SYTL1: variants seen among roughly 807,000 people sequenced by gnomAD.
The protein encoded by SYTL1 is synaptotagmin-like protein 1.
A neutral mutation model predicts 74.6 loss-of-function variants in SYTL1; 53 were observed. The ratio of observed to expected loss-of-function variants is 0.71; its 90% CI spans 0.57 to 0.89. The LOEUF is 0.89. SYTL1 is among the 40% of genes least tolerant of loss of function. The probability of loss-of-function intolerance (pLI) is 0.00; values close to 1 mark genes in which losing one functional copy is unlikely to be tolerated. For missense variants in SYTL1, 728 were observed against 768.7 expected, an observed-to-expected ratio of 0.95 and a Z score of 0.63; for synonymous variants, 329 against 324.9, an observed-to-expected ratio of 1.01 and a Z score of -0.14.
rs747676266 is a variant in SYTL1 at position 27,345,486 on chromosome 1, G to T, written c.152G>T (p.Arg51Leu). The T allele has an allele frequency of 1.3e-6, 2 of 1,559,398 alleles. No individual in the cohort carries two copies. Among genetic ancestry groups the T allele is most frequent in the Non-Finnish European group, 1.7e-6 (2 of 1,150,950 alleles). ...EQEAIAGVLQ[R>L]DARLRQLEEG... ...GAGGCCATTGCTGGCGTCCTCCAAC[G>T]AGATGCCCGCCTGCGCCAGCTGGAG... The change falls in exon 2 of 15, where the codon CGA (arginine) becomes CTA (leucine). Residue 51 changes from arginine (R) to leucine (L), a missense_variant. Physicochemically the swap from Arg to Leu is moderately radical, Grantham distance 102. Transcript: ENST00000616558. The surrounding 1 kb of genome is among the most constrained non-coding windows in gnomAD (Gnocchi z 6.0).
rs2014808714 is a variant in SYTL1 at position 27,342,364 on chromosome 1, T to C, written c.-39+214T>C. ...AGAGAAGACCAAACTCCTACCTAACTCTGGTAGGAGATTCTGCCTCTGGTT... is the reference window on the plus strand; with the variant it reads ...AGAGAAGACCAAACTCCTACCTAACCCTGGTAGGAGATTCTGCCTCTGGTT... On this transcript the variant is annotated intron_variant, in intron 1 of 14. Coordinates refer to ENST00000616558, the MANE Select transcript of SYTL1 (RefSeq NM_001193308.2). This position sits in a 1 kb window ranked among gnomAD's most constrained non-coding sequence, Gnocchi z 4.7. 1.0e-6 allele frequency: 1 copy of C among 984,454 alleles called. No homozygotes were observed. The highest frequency in any genetic ancestry group is 6.1e-5 in the Admixed American group (1 of 16,274). The allele number at this position is 984,454 out of a possible 1,614,324, so 61.0% of individuals were successfully genotyped here.
Position 27,350,025 on chromosome 1 carries a change from C to A in SYTL1, c.801C>A (p.Arg267=), listed in dbSNP as rs1385041038. The A allele has an allele frequency of 2.6e-6, 4 of 1,549,758 alleles. No homozygotes were observed. Among genetic ancestry groups the A allele is most frequent in the Non-Finnish European group, 3.5e-6 (4 of 1,157,360 alleles). Residue 267 remains arginine, a synonymous_variant, in exon 9 of 15, where the codon CGC becomes CGA. Transcript: ENST00000616558. The surrounding 1 kb of genome is among the most constrained non-coding windows in gnomAD (Gnocchi z 6.3). ...GCGACGCGGAGGCGGTGCAGGTCCG[C>A]GGCTCCGTGCACTTCGCGCTGCACT... The part of the protein sequence containing the change: ...LSGDAEAVQV[R]GSVHFALHYE...
intron 14 of SYTL1, 36 bp downstream of exon 14, chr1:27,353,524 CAGGCCCTGGGAG>C: frequency 6.4e-7 from 1 of 1,573,718 alleles, no homozygotes. Context: ...GGCCCTGGGA[CAGGCCCTGGGAG>C]ATGGGGGCTC....
chr1:27,353,811 G>A lies in SYTL1; in HGVS notation c.1648G>A (p.Gly550Ser). The change falls in exon 15 of 15, where the codon GGC (glycine) becomes AGC (serine). Residue 550 changes from glycine (G) to serine (S), a missense_variant. By Grantham distance (56) the Gly-to-Ser change is moderately conservative. Coordinates refer to ENST00000616558, the MANE Select transcript of SYTL1 (RefSeq NM_001193308.2). ...LLEQPCEWVDGLLPLRTNLAP... is the reference protein window; with the variant it reads ...LLEQPCEWVDSLLPLRTNLAP... ...GGAGCAGCCGTGCGAATGGGTGGAT[G>A]GCCTTCTACCCCTCAGAACCAACCT... The A allele has an allele frequency of 6.2e-7, 1 of 1,614,102 alleles. No homozygotes were observed. Among genetic ancestry groups the A allele is most frequent in the East Asian group, 2.2e-5 (1 of 44,876 alleles).
rs2015036548 is a variant in SYTL1 at position 27,347,245 on chromosome 1, G to C, written c.192-176G>C. Among the ~76,000 whole-genome samples, 1 of 152,250 alleles carries C rather than the reference G, an allele frequency of 6.6e-6. No homozygotes were observed. Among genetic ancestry groups the C allele is most frequent in the African/African-American group, 2.4e-5 (1 of 41,464 alleles). On this transcript the variant is annotated intron_variant, in intron 2 of 14. Coordinates refer to ENST00000616558, the MANE Select transcript of SYTL1 (RefSeq NM_001193308.2). The surrounding 1 kb of genome is among the most constrained non-coding windows in gnomAD (Gnocchi z 4.9). ...CTATCACATCATCCACCTCACTACA[G>C]TGTACTTGTCTCTTCTGGACTTGGT...
chr1:27,349,832 T>G, intron 8 of SYTL1, 67 bp downstream of exon 8: 1 of 1,541,740 alleles, frequency 6.5e-7, no homozygotes, highest in Non-Finnish European at 8.7e-7. Context: ...AGCCCCTGCC[T>G]GCCCCTCCCT....
Position 27,351,234 on chromosome 1 carries a change from C to A in SYTL1, c.1165-24C>A. 6.5e-7 allele frequency: 1 copy of A among 1,550,088 alleles called. No individual in the cohort carries two copies. The highest frequency in any genetic ancestry group is 8.7e-7 in the Non-Finnish European group (1 of 1,147,752). ...AGGCCCCTTTCCATTAGCCCCTGCTCCACGATAAGCCCGCCTCTCGCAGGT... is the reference window on the plus strand; with the variant it reads ...AGGCCCCTTTCCATTAGCCCCTGCTACACGATAAGCCCGCCTCTCGCAGGT... On this transcript the variant is annotated intron_variant, in intron 11 of 14. Coordinates refer to ENST00000616558, the MANE Select transcript of SYTL1 (RefSeq NM_001193308.2). This position sits in a 1 kb window ranked among gnomAD's most constrained non-coding sequence, Gnocchi z 5.0.
Position 27,347,778 on chromosome 1 carries a change from G to A in SYTL1, c.341-30G>A, listed in dbSNP as rs749963407. On this transcript the variant is annotated intron_variant, in intron 3 of 14. Transcript: ENST00000616558. The surrounding 1 kb of genome is among the most constrained non-coding windows in gnomAD (Gnocchi z 4.9). Reference sequence around the variant, plus strand: ...TCACAGCCAGGCTTCCTGAGCATGGGGGCTCACAGAACTTCTCACCTGCGC... The same window carrying A: ...TCACAGCCAGGCTTCCTGAGCATGGAGGCTCACAGAACTTCTCACCTGCGC... 1.2e-6 allele frequency: 2 copies of A among 1,602,426 alleles called. No homozygotes were observed. Among genetic ancestry groups the A allele is most frequent in the Admixed American group, 1.7e-5 (1 of 59,010 alleles).
At position 27,350,222 on chromosome 1, in the gene SYTL1, A is replaced by G; in HGVS notation, c.908+90A>G. 6.7e-7 allele frequency: 1 copy of G among 1,486,898 alleles called. No homozygotes were observed. Among genetic ancestry groups the G allele is most frequent in the Non-Finnish European group, 9.1e-7 (1 of 1,096,566 alleles). The allele number at this position is 1,486,898 out of a possible 1,614,324, so 92.1% of individuals were successfully genotyped here. A position where few individuals can be genotyped will look rare whatever the true frequency, so the allele number is the denominator to read the frequency against. On this transcript the variant is annotated intron_variant, in intron 9 of 14. Coordinates refer to ENST00000616558, the MANE Select transcript of SYTL1 (RefSeq NM_001193308.2). This position sits in a 1 kb window ranked among gnomAD's most constrained non-coding sequence, Gnocchi z 6.3. Reference sequence around the variant, plus strand: ...CGGCCTCCTCGTCCTCATCTTCAAAATGGGAACAACAGCGTTATTGGGAGG... The same window carrying G: ...CGGCCTCCTCGTCCTCATCTTCAAAGTGGGAACAACAGCGTTATTGGGAGG...
In SYTL1 at chr1:27,350,058, G is replaced by C. The variant is rs761253460; in HGVS notation, c.834G>C (p.Pro278=). 1 of 1,510,506 alleles carries C rather than the reference G, an allele frequency of 6.6e-7. No homozygotes were observed. Among genetic ancestry groups the C allele is most frequent in the Non-Finnish European group, 8.8e-7 (1 of 1,137,738 alleles). The allele number at this position is 1,510,506 out of a possible 1,614,324, so 93.6% of individuals were successfully genotyped here. Residue 278 remains proline (P), a synonymous_variant, in exon 9 of 15, where the codon CCG becomes CCC. Transcript: ENST00000616558. This position sits in a 1 kb window ranked among gnomAD's most constrained non-coding sequence, Gnocchi z 6.3. ...GSVHFALHYE[P]GAAELRVHVI... ...TGCACTTCGCGCTGCACTACGAGCCGGGCGCCGCCGAGCTGCGCGTGCACG... is the reference window on the plus strand; with the variant it reads ...TGCACTTCGCGCTGCACTACGAGCCCGGCGCCGCCGAGCTGCGCGTGCACG...
At position 27,350,179 on chromosome 1, in the gene SYTL1, C is replaced by T. The variant is rs1306933617; in HGVS notation, c.908+47C>T. 1.4e-6 allele frequency: 2 copies of T among 1,452,120 alleles called. No homozygotes were observed. Among genetic ancestry groups the T allele is most frequent in the Non-Finnish European group, 9.1e-7 (1 of 1,098,568 alleles). 90.0% of individuals were successfully genotyped at this position (1,452,120 alleles called of 1,614,324 possible). On this transcript the variant is annotated intron_variant, in intron 9 of 14. Transcript: ENST00000616558. The surrounding 1 kb of genome is among the most constrained non-coding windows in gnomAD (Gnocchi z 6.3). ...CGGGGCGCGGCTGTCACAGCCCAGC[C>T]CACCATTCACAGGGTCTCGGCCTCC...
chr1:27,344,049 G>A (rs1421736141), intron 1 of SYTL1, among the ~76,000 whole-genome samples: 6 of 151,752 alleles, frequency 4.0e-5, no homozygotes, highest in East Asian at 3.9e-4. Context: ...CTCCTGCCTC[G>A]CTTCCCAAGT....
At position 27,350,466 on chromosome 1, in the gene SYTL1, T is replaced by C; in HGVS notation, c.986T>C (p.Val329Ala). 6.2e-7 allele frequency: 1 copy of C among 1,613,490 alleles called. No individual in the cohort carries two copies. The highest frequency in any genetic ancestry group is 2.2e-5 in the East Asian group (1 of 44,838). Residue 329 changes from valine (V) to alanine (A), a missense_variant, in exon 10 of 15, where the codon GTT becomes GCT. Coordinates refer to ENST00000616558, the MANE Select transcript of SYTL1 (RefSeq NM_001193308.2). This position sits in a 1 kb window ranked among gnomAD's most constrained non-coding sequence, Gnocchi z 6.3. Reference protein sequence around the residue: ...TAVKKRNLNPVFNETLRYSVP... With the variant: ...TAVKKRNLNPAFNETLRYSVP... ...GTGAAGAAACGGAATCTGAATCCGG[T>C]TTTCAACGAGACTCTCCGGGTGAGG...
At position 27,342,921 on chromosome 1, in the gene SYTL1, G is replaced by C. The variant is rs1378432069; in HGVS notation, c.-39+771G>C. Among the ~76,000 whole-genome samples, 2 of 152,036 alleles carry C rather than the reference G, an allele frequency of 1.3e-5. No individual in the cohort carries two copies. Among genetic ancestry groups the C allele is most frequent in the Non-Finnish European group, 1.5e-5 (1 of 68,044 alleles). On this transcript the variant is annotated intron_variant, in intron 1 of 14. Coordinates refer to ENST00000616558, the MANE Select transcript of SYTL1 (RefSeq NM_001193308.2). The surrounding 1 kb of genome is among the most constrained non-coding windows in gnomAD (Gnocchi z 4.7). ...CTCACACGTTGGCCACAGAAGTCCAGGGAAACTGCTGTTGTGGAGCACACA... is the reference window on the plus strand; with the variant it reads ...CTCACACGTTGGCCACAGAAGTCCACGGAAACTGCTGTTGTGGAGCACACA...
At chr1:27,349,618 A>T in intron 7 of SYTL1, 34 bp from the exon 8 acceptor site, 1 of 1,571,668 alleles carries the variant, frequency 6.4e-7, no homozygotes. Context: ...GGGTGGGGAA[A>T]GAAGGGGCGC....
Position 27,343,479 on chromosome 1 carries a change from TGAG to T in SYTL1, c.-39+1337_-39+1339del, listed in dbSNP as rs72019948. 9.9e-3 allele frequency among the ~76,000 whole-genome samples: 1,508 copies of T among 152,046 alleles called. 27 individuals carry two copies. The highest frequency in any genetic ancestry group is 0.034 in the African/African-American group (1,402 of 41,464). On this transcript the variant is annotated intron_variant, in intron 1 of 14. Coordinates refer to ENST00000616558, the MANE Select transcript of SYTL1 (RefSeq NM_001193308.2). This position sits in a 1 kb window ranked among gnomAD's most constrained non-coding sequence, Gnocchi z 5.2. ...AGGAGAGGAAGTTGGGGGTGTGGGC[TGAG>T]GAGGAGGTTGCCTCAGACAGGAAGG... is the stretch of plus-strand genomic sequence containing the variant.
chr1:27,351,471 C>T lies in SYTL1; in HGVS notation c.1259C>T (p.Pro420Leu), dbSNP rs2015273777. The change falls in exon 13 of 15, where the codon CCG becomes CTG. Residue 420 changes from proline (P) to leucine (L), a missense_variant. Pro to Leu is a moderately conservative substitution (Grantham distance 98, BLOSUM62 -3). Transcript: ENST00000616558. This position sits in a 1 kb window ranked among gnomAD's most constrained non-coding sequence, Gnocchi z 5.0. Reference protein sequence around the residue: ...PAGSEGAGLPPSGELHFWVKE... With the variant: ...PAGSEGAGLPLSGELHFWVKE... ...CTCTCCGCAGGCGCAGGACTGCCCC[C>T]GAGCGGGGAGCTGCACTTCTGGGTG... 5 of 1,543,268 alleles carry T rather than the reference C, an allele frequency of 3.2e-6. No individual in the cohort carries two copies. The highest frequency in any genetic ancestry group is 1.4e-5 in the African/African-American group (1 of 72,814).
Position 27,351,015 on chromosome 1 carries a change from G to C in SYTL1, c.1164+63G>C. On this transcript the variant is annotated intron_variant, in intron 11 of 14. Transcript: ENST00000616558. The surrounding 1 kb of genome is among the most constrained non-coding windows in gnomAD (Gnocchi z 5.0). ...GGGTCTCCTGCATTTACCCCACCAGGCTCTCCCGCAGCCCCCTCACACCCC... is the reference window on the plus strand; with the variant it reads ...GGGTCTCCTGCATTTACCCCACCAGCCTCTCCCGCAGCCCCCTCACACCCC... 2 of 1,579,900 alleles carry C rather than the reference G, an allele frequency of 1.3e-6. No individual in the cohort carries two copies. The highest frequency in any genetic ancestry group is 2.3e-5 in the East Asian group (1 of 44,234).
chr1:27,349,216 G>C (rs1409862345), intron 6 of SYTL1, 64 bp downstream of exon 6: 1 of 1,564,574 alleles, frequency 6.4e-7, no homozygotes, highest in Admixed American at 1.8e-5. Flanking sequence ...GCTCTAAGGG[G>C]CCCCAACCAC....
Sources: gnomAD v4.1 joint callset for allele counts (sites outside exome capture counted in the v4.1 genomes callset) on GRCh38, gnomAD v4.1.1 for gene constraint, Gnocchi (gnomAD v3.1) non-coding constraint, MANE v1.5 for transcripts, NCBI Gene and HGNC (gene_info 2026-07-23, HGNC 2026-07-21) for gene names.